SPHKAP: variants seen among roughly 807,000 people sequenced by gnomAD.
The protein encoded by SPHKAP is SPHK1 interactor, AKAP domain containing.
A neutral mutation model predicts 137.5 loss-of-function variants in SPHKAP; 67 were observed. The observed-to-expected ratio is 0.49, with a 90% CI of 0.40 to 0.60. The LOEUF is 0.60. Among genes scored for constraint, SPHKAP ranks in the 20% least tolerant of loss-of-function variants. SPHKAP has a pLI of 0.00. For synonymous variants in SPHKAP, 813 were observed against 785.3 expected (o/e 1.04, Z -0.59); for missense variants, 2,097 against 2,069.3 (o/e 1.01, Z -0.26).
Position 228,092,279 on chromosome 2 carries a change from ATGTGCGTGTATACGTG to A in SPHKAP, c.246+16537_246+16552del, listed in dbSNP as rs1559168926. ...TGTGTATACGTACACACACACGTGT[ATGTGCGTGTATACGTG>A]CACACACACGTGTATGTGTGTGTAT... On this transcript the variant is annotated intron_variant, in intron 3 of 11. Transcript: ENST00000392056. 4.8e-5 allele frequency among the ~76,000 whole-genome samples: 7 copies of A among 144,474 alleles called. No individual in the cohort carries two copies. In the East Asian group the frequency reaches 1.0e-3, roughly 21 times the overall value. The allele number at this position is 144,474 out of a possible 152,430, so 94.8% of individuals were successfully genotyped here. A position where few individuals can be genotyped will look rare whatever the true frequency, so the allele number is the denominator to read the frequency against.
At chr2:228,093,336 G>A (rs184070040) in intron 3 of SPHKAP, among the ~76,000 whole-genome samples, 89 of 152,208 alleles carry the variant, frequency 5.8e-4, no homozygotes, top group African/African-American at 2.0e-3. Flanking sequence ...GTATGCAAAT[G>A]TTTATAACAG....
At chr2:228,029,943 G>A (rs751591177) in intron 3 of SPHKAP, among the ~76,000 whole-genome samples, 15 of 152,090 alleles carry the variant, frequency 9.9e-5, no homozygotes, top group Non-Finnish European at 2.1e-4. Context: ...AGCAAAGAAA[G>A]GCCTCTATAG....
At chr2:228,123,433 C>T (rs956620059) in intron 2 of SPHKAP, among the ~76,000 whole-genome samples, 18 of 152,284 alleles carry the variant, frequency 1.2e-4, no homozygotes, top group African/African-American at 4.1e-4. Context: ...ATTCTTGTGT[C>T]TTCCTTCTAT....
Position 227,981,560 on chromosome 2 carries a change from A to G in SPHKAP, c.*157T>C, listed in dbSNP as rs769703965. 5.7e-5 allele frequency: 54 copies of G among 953,784 alleles called. No homozygotes were observed. The highest frequency in any genetic ancestry group is 7.7e-5 in the Non-Finnish European group (52 of 675,742). The allele number at this position is 953,784 out of a possible 1,614,324, so 59.1% of individuals were successfully genotyped here. On this transcript the variant is annotated 3_prime_UTR_variant, in exon 12 of 12. Transcript: ENST00000392056. ...AGACCTATATTTTGCTTTTCCTCTG[A>G]CTTATTCTGTATGCAGTGGATCTGA... is the stretch of plus-strand genomic sequence containing the variant.
Position 228,006,052 on chromosome 2 carries a change from C to T in SPHKAP, c.4448+10354G>A, listed in dbSNP as rs1016906334. 1.4e-4 allele frequency among the ~76,000 whole-genome samples: 22 copies of T among 151,960 alleles called. No individual in the cohort carries two copies. The East Asian group carries it at 3.5e-3, about 24-fold the overall frequency. ...CTCTTCTCGAGGAGTATCTTTGTGGCGTTCTCTGTATTTCCTGAATTTGAA... is the reference window on the plus strand; with the variant it reads ...CTCTTCTCGAGGAGTATCTTTGTGGTGTTCTCTGTATTTCCTGAATTTGAA... On this transcript the variant is annotated intron_variant, in intron 7 of 11. Coordinates refer to ENST00000392056, the MANE Select transcript of SPHKAP (RefSeq NM_001142644.2).
intron 1 of SPHKAP, among the ~76,000 whole-genome samples, chr2:228,142,710 T>C (rs1389896663): frequency 1.3e-5 from 2 of 150,578 alleles, no homozygotes; most frequent in Non-Finnish European, 3.0e-5. Flanking sequence ...GGGTGGAGGG[T>C]GGGAGGAGGG....
Position 228,019,661 on chromosome 2 carries a change from G to A in SPHKAP, c.1193C>T (p.Ser398Phe), listed in dbSNP as rs759310864. Residue 398 changes from serine to phenylalanine, a missense_variant, in exon 7 of 12, where the codon TCC becomes TTC. Transcript: ENST00000392056. ...TCTAATAAATGCATCCTGCAGCACGGATTCTGCTAAATTTGTAGCATACTT... is the reference window on the plus strand; with the variant it reads ...TCTAATAAATGCATCCTGCAGCACGAATTCTGCTAAATTTGTAGCATACTT... ...TGKYATNLAE[S>F]VLQDAFIRLS... 1.2e-6 allele frequency: 2 copies of A among 1,614,128 alleles called. No individual in the cohort carries two copies. Among genetic ancestry groups the A allele is most frequent in the Admixed American group, 3.3e-5 (2 of 60,024 alleles).
chr2:228,028,835 G>A (rs1387455005), intron 3 of SPHKAP, among the ~76,000 whole-genome samples: 2 of 152,186 alleles, frequency 1.3e-5, no homozygotes, highest in Non-Finnish European at 2.9e-5. Flanking sequence ...ACTCATGCCT[G>A]TAATTTAAAT....
intron 3 of SPHKAP, among the ~76,000 whole-genome samples, chr2:228,102,888 C>A (rs1451509511): frequency 6.6e-6 from 1 of 152,094 alleles, no homozygotes; most frequent in Non-Finnish European, 1.5e-5. Flanking sequence ...ACTACAGGTG[C>A]TTGCCACCAC....
intron 3 of SPHKAP, among the ~76,000 whole-genome samples, chr2:228,070,391 G>A (rs1482398106): frequency 1.3e-5 from 2 of 152,174 alleles, no homozygotes; most frequent in African/African-American, 4.8e-5. Context: ...AGCAGGCATA[G>A]TTGGTGTAAC....
Position 228,018,512 on chromosome 2 carries a change from C to G in SPHKAP, c.2342G>C (p.Ser781Thr), listed in dbSNP as rs77239850. 20 of 1,614,008 alleles carry G rather than the reference C, an allele frequency of 1.2e-5. No homozygotes were observed. Among genetic ancestry groups the G allele is most frequent in the Non-Finnish European group, 1.4e-5 (16 of 1,180,012 alleles). The part of the protein sequence containing the change: ...SSPLSNSHNT[S>T]LVINNLVDGM... ...ATCCACAAGATTGTTGATGACAAGA[C>G]TCGTGTTGTGTGAATTGCTAAGTGG... is the stretch of plus-strand genomic sequence containing the variant. The change falls in exon 7 of 12, where the codon AGT (serine) becomes ACT (threonine). Residue 781 changes from serine to threonine, a missense_variant. Ser to Thr is a moderately conservative substitution (Grantham distance 58). Transcript: ENST00000392056.
intron 6 of SPHKAP, among the ~76,000 whole-genome samples, chr2:228,020,614 G>GC (rs1694806654): frequency 1.3e-5 from 2 of 152,056 alleles, no homozygotes; most frequent in African/African-American, 4.8e-5. Context: ...TATACCTAAT[G>GC]TAAATGACAA....
intron 3 of SPHKAP, among the ~76,000 whole-genome samples, chr2:228,079,154 C>T (rs1697279171): frequency 6.6e-6 from 1 of 152,166 alleles, no homozygotes; most frequent in South Asian, 2.1e-4. Flanking sequence ...AACTGTTCCA[C>T]CTCAAATCAT....
chr2:228,126,662 A>G (rs1699083746), intron 2 of SPHKAP, among the ~76,000 whole-genome samples: 1 of 152,180 alleles, frequency 6.6e-6, no homozygotes, highest in Non-Finnish European at 1.5e-5. Context: ...ATATATGACA[A>G]TTGTCACTGT....
chr2:228,046,873 C>G (rs993710915), intron 3 of SPHKAP, among the ~76,000 whole-genome samples: 2 of 152,134 alleles, frequency 1.3e-5, no homozygotes, highest in African/African-American at 4.8e-5. Context: ...GCAAGGGCAG[C>G]TGAGCATTGA....
At chr2:228,045,266 A>G (rs1695994653) in intron 3 of SPHKAP, among the ~76,000 whole-genome samples, 1 of 150,934 alleles carries the variant, frequency 6.6e-6, no homozygotes, top group African/African-American at 2.4e-5. Flanking sequence ...CCAAAGGATT[A>G]TAAATCATGC....
intron 1 of SPHKAP, among the ~76,000 whole-genome samples, chr2:228,180,323 G>A (rs1700866620): frequency 6.6e-6 from 1 of 152,130 alleles, no homozygotes; most frequent in South Asian, 2.1e-4. Context: ...AATAATTCAG[G>A]TCTCTAGATG....
intron 1 of SPHKAP, among the ~76,000 whole-genome samples, chr2:228,162,324 G>A (rs181558444): frequency 1.3e-5 from 2 of 152,302 alleles, no homozygotes; most frequent in East Asian, 1.9e-4. Context: ...TTTATTAATA[G>A]TTAAATTTCA....
intron 1 of SPHKAP, among the ~76,000 whole-genome samples, chr2:228,166,855 T>C (rs1357506801): frequency 6.6e-6 from 1 of 152,124 alleles, no homozygotes; most frequent in Non-Finnish European, 1.5e-5. Flanking sequence ...ACAGGAAGCA[T>C]AGAACTGGCA....
Sources: gnomAD v4.1 joint callset for allele counts (sites outside exome capture counted in the v4.1 genomes callset) on GRCh38, gnomAD v4.1.1 for gene constraint, MANE v1.5 for transcripts, NCBI Gene and HGNC (gene_info 2026-07-23, HGNC 2026-07-21) for gene names.